The following ADK variants were observed in gnomAD, a reference collection of about 807,000 sequenced individuals.
ADK encodes adenosine kinase, also known as N6,N6-dimethyladenosine kinase.
Under a neutral mutation model 44.7 loss-of-function variants are expected in ADK, and 24 were observed. That is an observed-to-expected ratio of 0.54 (90% confidence interval 0.39 to 0.76). The LOEUF (loss-of-function observed/expected upper bound fraction) is 0.76. Ranked by LOEUF, ADK falls within the 30% of genes least tolerant of loss-of-function variation. The probability of loss-of-function intolerance (pLI) is 0.00; values close to 1 mark genes in which losing one functional copy is unlikely to be tolerated. For missense variants in ADK, 321 were observed against 425.1 expected (o/e 0.76, Z 2.15); for synonymous variants, 128 against 142.6 (o/e 0.90, Z 0.73).
chr10:74,679,330 A>G (rs966661652), intron 10 of ADK, among the ~76,000 whole-genome samples: 1 of 152,178 alleles, frequency 6.6e-6, no homozygotes. Flanking sequence ...TTTCCATAAA[A>G]CTAAATGTAT....
At chr10:74,516,289 A>G (rs1848570650) in intron 6 of ADK, among the ~76,000 whole-genome samples, 1 of 152,082 alleles carries the variant, frequency 6.6e-6, no homozygotes, top group African/African-American at 2.4e-5. Context: ...CTAGGTGGGG[A>G]AGATGGGACC....
At chr10:74,572,730 C>A (rs1184672702) in intron 7 of ADK, among the ~76,000 whole-genome samples, 1 of 152,110 alleles carries the variant, frequency 6.6e-6, no homozygotes, top group Non-Finnish European at 1.5e-5. Context: ...CTAAACTTCC[C>A]TTCTCGCTTC....
At chr10:74,456,592 G>C (rs12268556) in intron 6 of ADK, among the ~76,000 whole-genome samples, 6,712 of 149,316 alleles carry the variant, frequency 0.045, 524 homozygotes, top group African/African-American at 0.16. Context: ...GCGTGAACCC[G>C]GGAGGCGGAG....
At chr10:74,264,943 T>G (rs1846162610) in intron 3 of ADK, among the ~76,000 whole-genome samples, 1 of 152,202 alleles carries the variant, frequency 6.6e-6, no homozygotes, top group South Asian at 2.1e-4. Flanking sequence ...TACCAATGTT[T>G]CAGTTGAATT....
At chr10:74,568,097 C>A (rs1850758025) in intron 7 of ADK, among the ~76,000 whole-genome samples, 1 of 152,156 alleles carries the variant, frequency 6.6e-6, no homozygotes, top group Admixed American at 6.5e-5. Context: ...TTGAATGCAG[C>A]CTAACACAAA....
chr10:74,617,998 C>A (rs941621327), intron 9 of ADK, among the ~76,000 whole-genome samples: 1 of 152,166 alleles, frequency 6.6e-6, no homozygotes, highest in Non-Finnish European at 1.5e-5. Context: ...CCTTCTTAAT[C>A]TCTAATGATG....
At chr10:74,218,159 C>T (rs886569927) in intron 2 of ADK, among the ~76,000 whole-genome samples, 2 of 152,006 alleles carry the variant, frequency 1.3e-5, no homozygotes, top group Admixed American at 6.6e-5. Context: ...ATAACCAATA[C>T]AGAGAAGTGC....
At chr10:74,352,407 A>G (rs1592087022) in intron 4 of ADK, among the ~76,000 whole-genome samples, 2 of 152,180 alleles carry the variant, frequency 1.3e-5, no homozygotes, top group Admixed American at 6.5e-5. Flanking sequence ...TGCCTTACAC[A>G]TTATACAAAA....
In ADK at chr10:74,527,384, A is replaced by C. The variant is rs998665167; in HGVS notation, c.726+1958A>C. Among the ~76,000 whole-genome samples the C allele has an allele frequency of 1.8e-4, 28 of 151,540 alleles. 1 individual carries two copies. The highest frequency in any genetic ancestry group is 5.8e-4 in the East Asian group (3 of 5,196). On this transcript the variant is annotated intron_variant, in intron 7 of 10. Coordinates refer to ENST00000539909, the MANE Select transcript of ADK (RefSeq NM_006721.4). ...AAAAACAAACAAACAAAAAAAAAAA[A>C]ACATAAATATGATTCCAAAGAATGA...
intron 6 of ADK, among the ~76,000 whole-genome samples, chr10:74,522,883 A>G (rs1338060059): frequency 6.6e-6 from 1 of 152,048 alleles, no homozygotes; most frequent in Non-Finnish European, 1.5e-5. Context: ...TATTTCTCCA[A>G]TAGATCCTTT....
At chr10:74,457,461 C>T (rs761658144) in intron 6 of ADK, among the ~76,000 whole-genome samples, 13 of 152,150 alleles carry the variant, frequency 8.5e-5, no homozygotes, top group East Asian at 3.9e-4. Context: ...GACAGTGTGG[C>T]GATTCCTCAA....
chr10:74,176,328 CT>C (rs1383686568), intron 1 of ADK, among the ~76,000 whole-genome samples: 1 of 152,124 alleles, frequency 6.6e-6, no homozygotes, highest in Non-Finnish European at 1.5e-5. Context: ...CAGGCTGTTG[CT>C]TTTTTTCCCC....
intron 4 of ADK, among the ~76,000 whole-genome samples, chr10:74,388,365 T>C (rs1012443654): frequency 1.3e-5 from 2 of 152,222 alleles, no homozygotes; most frequent in Middle Eastern, 3.2e-3. Flanking sequence ...TCCTTTAATA[T>C]TGATTATAGA....
At chr10:74,253,268 A>C (rs1330298705) in intron 3 of ADK, among the ~76,000 whole-genome samples, 2 of 152,262 alleles carry the variant, frequency 1.3e-5, no homozygotes, top group African/African-American at 2.4e-5. Context: ...AGTTCAGGGC[A>C]GTTATTAATA....
Position 74,488,246 on chromosome 10 carries a change from T to A in ADK, c.556-37010T>A, listed in dbSNP as rs540906525. Among the ~76,000 whole-genome samples, 6 of 151,988 alleles carry A rather than the reference T, an allele frequency of 3.9e-5. No individual in the cohort carries two copies. The East Asian group carries it at 1.2e-3, about 29-fold the overall frequency. On this transcript the variant is annotated intron_variant, in intron 6 of 10. Coordinates refer to ENST00000539909, the MANE Select transcript of ADK (RefSeq NM_006721.4). The stretch of plus-strand genomic sequence containing the variant: ...AAATGTAGTATTAGATCCTTGACTA[T>A]ATATTAGATAATACTACATCACTGC...
intron 1 of ADK, among the ~76,000 whole-genome samples, chr10:74,187,501 T>TACACACAC (rs147834892): frequency 6.6e-6 from 1 of 150,948 alleles, no homozygotes; most frequent in Non-Finnish European, 1.5e-5. Context: ...TACACGCACA[T>TACACACAC]ACACACACAC....
At chr10:74,702,889 G>C (rs1043624942) in intron 10 of ADK, among the ~76,000 whole-genome samples, 5 of 152,130 alleles carry the variant, frequency 3.3e-5, no homozygotes, top group Non-Finnish European at 7.4e-5. Context: ...GAGCCACCGT[G>C]CCTGGCCTAT....
intron 7 of ADK, among the ~76,000 whole-genome samples, chr10:74,578,189 C>A (rs1014014366): frequency 6.6e-6 from 1 of 152,152 alleles, no homozygotes; most frequent in Non-Finnish European, 1.5e-5. Context: ...TGATCTCTCC[C>A]CATCTGAGGT....
At chr10:74,436,952 A>G (rs1039712444) in intron 6 of ADK, among the ~76,000 whole-genome samples, 6 of 152,204 alleles carry the variant, frequency 3.9e-5, no homozygotes, top group African/African-American at 1.4e-4. Flanking sequence ...GACATTTTGC[A>G]TATAGAAAAT....
Sources: allele counts gnomAD v4.1 joint callset (sites outside exome capture counted in the v4.1 genomes callset), GRCh38; gene constraint gnomAD v4.1.1; transcripts MANE v1.5; gene names NCBI Gene and HGNC (gene_info 2026-07-23, HGNC 2026-07-21).